Variants in WBP2NL observed in about 807,000 individuals in gnomAD.
WBP2NL encodes the protein postacrosomal sheath WW domain-binding protein.
Under a neutral mutation model 23.3 loss-of-function variants are expected in WBP2NL, and 27 were observed. That is an observed-to-expected ratio of 1.16 (90% confidence interval 0.85 to 1.60). The LOEUF (loss-of-function observed/expected upper bound fraction) is 1.60, where lower values mean the gene tolerates loss of function less well. Among genes scored for constraint, WBP2NL ranks in the 40% most tolerant of loss-of-function variants. WBP2NL has a pLI of 0.00. For synonymous variants in WBP2NL, 151 were observed against 145.9 expected (o/e 1.03, Z -0.25); for missense variants, 370 against 389.5 (o/e 0.95, Z 0.42).
chr22:42,018,993 C>T (rs1210011510), intron 1 of WBP2NL, among the ~76,000 whole-genome samples: 3 of 150,958 alleles, frequency 2.0e-5, no homozygotes, highest in East Asian at 1.9e-4. Flanking sequence ...GAGGCTGAGG[C>T]GGGCGGATCA....
chr22:42,015,035 G>A (rs1923179722), intron 1 of WBP2NL, among the ~76,000 whole-genome samples: 1 of 152,052 alleles, frequency 6.6e-6, no homozygotes, highest in African/African-American at 2.4e-5. Context: ...TCCTTTGCAT[G>A]CCTAGTGATT....
chr22:42,049,712 A>AC (rs1925758555), intron 8 of WBP2NL, among the ~76,000 whole-genome samples: 1 of 122,750 alleles, frequency 8.1e-6, no homozygotes, highest in African/African-American at 3.3e-5. Context: ...AAACAAAAAA[A>AC]AAAAAAAAAA....
Position 42,027,725 on chromosome 22 carries a change from A to G in WBP2NL, c.*544A>G, listed in dbSNP as rs960930110. 1.1e-5 allele frequency: 4 copies of G among 364,500 alleles called. No homozygotes were observed. Among genetic ancestry groups the G allele is most frequent in the Non-Finnish European group, 1.9e-5 (4 of 205,906 alleles). The allele number at this position is 364,500 out of a possible 1,614,324, so 22.6% of individuals were successfully genotyped here. ...GAGACCAAAACCAACAAATAAAAGC[A>G]TGATAAATTGACTATATCAAAATTT... On this transcript the variant is annotated 3_prime_UTR_variant, in exon 6 of 6. Coordinates refer to ENST00000328823, the MANE Select transcript of WBP2NL (RefSeq NM_152613.3).
At chr22:42,023,928 G>A (rs1230185559) in intron 5 of WBP2NL, among the ~76,000 whole-genome samples, 1 of 152,186 alleles carries the variant, frequency 6.6e-6, no homozygotes, top group Non-Finnish European at 1.5e-5. Context: ...ACAGGTGTAA[G>A]CCACAGCATC....
At chr22:42,048,837 C>T (rs1031764404) in intron 8 of WBP2NL, among the ~76,000 whole-genome samples, 60 of 151,364 alleles carry the variant, frequency 4.0e-4, no homozygotes, top group African/African-American at 1.5e-3. Context: ...TGATAAAAAA[C>T]ATTGTCCAAA....
intron 1 of WBP2NL, among the ~76,000 whole-genome samples, chr22:42,018,080 C>T (rs1389718383): frequency 4.0e-5 from 6 of 148,378 alleles, no homozygotes; most frequent in African/African-American, 1.0e-4. Flanking sequence ...ACCCGGGAGG[C>T]GGAGGTTGCA....
chr22:42,039,924 T>A lies in WBP2NL; in HGVS notation c.*273+9101T>A, dbSNP rs74506620. ...TACAGTTAGGTTTTTTTTTTTTTTT[T>A]CCTCGAGATGAAGTCTTGTTTTGTT... is the stretch of plus-strand genomic sequence containing the variant. On this transcript the variant is annotated intron_variant and NMD_transcript_variant, in intron 8 of 8. Transcript: ENST00000436265. Among the ~76,000 whole-genome samples, 237 of 150,234 alleles carry A rather than the reference T, an allele frequency of 1.6e-3. 1 individual carries two copies. Among genetic ancestry groups the A allele is most frequent in the African/African-American group, 5.7e-3 (231 of 40,250 alleles).
chr22:42,036,704 C>T (rs1237283738), downstream of WBP2NL, among the ~76,000 whole-genome samples: 4 of 152,134 alleles, frequency 2.6e-5, no homozygotes, highest in Non-Finnish European at 5.9e-5. Flanking sequence ...TTTTCATATG[C>T]TTATTGGCCA....
chr22:42,021,298 G>A lies in WBP2NL; in HGVS notation c.407-951G>A, dbSNP rs907598159. 5.9e-5 allele frequency among the ~76,000 whole-genome samples: 9 copies of A among 151,926 alleles called. No individual in the cohort carries two copies. In the East Asian group the frequency reaches 9.7e-4, roughly 16 times the overall value. Reference sequence around the variant, plus strand: ...GAGAAGGAAATAAAGATCTCCCCTGGGAAATTTTTATGGGCCAGGCCTGGA... The same window carrying A: ...GAGAAGGAAATAAAGATCTCCCCTGAGAAATTTTTATGGGCCAGGCCTGGA... On this transcript the variant is annotated intron_variant, in intron 4 of 5. Transcript: ENST00000328823.
At chr22:42,052,158 A>T (rs568756767) in intron 8 of WBP2NL, among the ~76,000 whole-genome samples, 2 of 152,322 alleles carry the variant, frequency 1.3e-5, no homozygotes, top group South Asian at 4.1e-4. Flanking sequence ...GGAGAGGTAA[A>T]GGGTCTTTGT....
At chr22:42,023,197 T>TA (rs1924129368) in intron 5 of WBP2NL, among the ~76,000 whole-genome samples, 1 of 151,910 alleles carries the variant, frequency 6.6e-6, no homozygotes, top group African/African-American at 2.4e-5. Flanking sequence ...GTGTTTTTTT[T>TA]TTTTGGAGAC....
Position 42,027,551 on chromosome 22 carries a change from G to A in WBP2NL, c.*370G>A, listed in dbSNP as rs192218828. ...CTCCGTTTGCTAGGCACTAAGATGCGTGCTAAAAACGTCATGTTGAACACT... is the reference window on the plus strand; with the variant it reads ...CTCCGTTTGCTAGGCACTAAGATGCATGCTAAAAACGTCATGTTGAACACT... On this transcript the variant is annotated 3_prime_UTR_variant, in exon 6 of 6. Transcript: ENST00000328823. The A allele has an allele frequency of 4.7e-4, 125 of 267,508 alleles. 3 individuals are homozygous for A. Among genetic ancestry groups the A allele is most frequent in the Admixed American group, 3.9e-3 (83 of 21,278 alleles). The allele number at this position is 267,508 out of a possible 1,614,324, so 16.6% of individuals were successfully genotyped here.
chr22:42,002,064 G>T, intron 1 of WBP2NL: 1 of 454,814 alleles, frequency 2.2e-6, no homozygotes, highest in Non-Finnish European at 3.8e-6. Flanking sequence ...TTGGTGTTTG[G>T]GTGTCTTCTC....
At chr22:42,011,764 G>A (rs1347970233) in intron 1 of WBP2NL, among the ~76,000 whole-genome samples, 3 of 150,878 alleles carry the variant, frequency 2.0e-5, no homozygotes, top group Admixed American at 1.3e-4. Context: ...TGTTGTTGTT[G>A]TTGTTTTTCT....
intron 8 of WBP2NL, among the ~76,000 whole-genome samples, chr22:42,047,598 G>A (rs1485747619): frequency 4.1e-5 from 6 of 145,566 alleles, no homozygotes; most frequent in South Asian, 2.2e-4. Flanking sequence ...AAAACCCCCC[G>A]CCTCCCAAAA....
At chr22:42,049,689 CCAAAACAAAA>C (rs530183560) in intron 8 of WBP2NL, among the ~76,000 whole-genome samples, 2 of 62,948 alleles carry the variant, frequency 3.2e-5, no homozygotes, top group African/African-American at 1.5e-4. Flanking sequence ...GACTCCGTCT[CCAAAACAAAA>C]CAAAACAAAA....
intron 8 of WBP2NL, among the ~76,000 whole-genome samples, chr22:42,047,269 CA>C (rs140516534): frequency 0.17 from 16,907 of 101,490 alleles, 800 homozygotes; most frequent in Non-Finnish European, 0.21. Flanking sequence ...TTTTCAAGCT[CA>C]AAAAAAAAAA....
intron 8 of WBP2NL, among the ~76,000 whole-genome samples, chr22:42,052,971 C>G (rs1021538579): frequency 6.6e-6 from 1 of 152,236 alleles, no homozygotes; most frequent in Admixed American, 6.5e-5. Flanking sequence ...AAAGAAACCC[C>G]ATAACCATTA....
intron 1 of WBP2NL, among the ~76,000 whole-genome samples, chr22:42,007,872 A>G (rs1020934156): frequency 6.6e-5 from 10 of 152,170 alleles, no homozygotes; most frequent in Admixed American, 2.6e-4. Flanking sequence ...AAGTATTCAA[A>G]TATCTATTTG....
Sources: gnomAD v4.1 joint callset for allele counts (sites outside exome capture counted in the v4.1 genomes callset) on GRCh38, gnomAD v4.1.1 for gene constraint, MANE v1.5 for transcripts, NCBI Gene and HGNC (gene_info 2026-07-23, HGNC 2026-07-21) for gene names.